PKD1: variants seen among roughly 807,000 people sequenced by gnomAD.
PKD1 encodes the protein polycystin 1, transient receptor potential channel interacting.
A neutral mutation model predicts 361.7 loss-of-function variants in PKD1; 81 were observed. That is an observed-to-expected ratio of 0.22 (90% CI 0.19 to 0.27). The LOEUF is 0.27. PKD1 is among the 10% of genes least tolerant of loss of function. The probability of loss-of-function intolerance (pLI) is 1.00; values close to 1 mark genes in which losing one functional copy is unlikely to be tolerated. For missense variants in PKD1, 6,399 were observed against 6,118.3 expected (o/e 1.05, Z -1.53); for synonymous variants, 3,615 against 2,818.3 (o/e 1.28, Z -8.95).
rs551162125 is a variant in PKD1, at chr16:2,111,619, G to C, written c.3548C>G (p.Ser1183Trp). The change falls in exon 15 of 46, where the codon TCG becomes TGG. Residue 1183 changes from serine (S) to tryptophan (W), a missense_variant. By Grantham distance (177) the Ser-to-Trp change is radical (BLOSUM62 -3). Coordinates refer to ENST00000262304, the MANE Select transcript of PKD1 (RefSeq NM_001009944.3). The stretch of plus-strand genomic sequence containing the variant: ...CAGGCGCACGTGGTAGGTGCCCCTC[G>C]AGGCATAGGTGTGGTTGGCAGCCGG... ...SQPAANHTYA[S>W]RGTYHVRLEV... The C allele has an allele frequency of 7.2e-5, 114 of 1,574,704 alleles. No individual in the cohort carries two copies. In the East Asian group the frequency reaches 2.6e-3, roughly 36 times the overall value.
chr16:2,108,157 A>G (rs1344715437), intron 15 of PKD1, 95 bp downstream of exon 15: 4 of 1,464,540 alleles, frequency 2.7e-6, no homozygotes, highest in Non-Finnish European at 3.8e-6. Flanking sequence ...CCAGGCACTG[A>G]GGACGGGCCA....
intron 40 of PKD1, 45 bp from the exon 41 acceptor site, chr16:2,091,951 GC>G: frequency 1.9e-6 from 3 of 1,611,654 alleles, no homozygotes; most frequent in Non-Finnish European, 2.5e-6. Flanking sequence ...AGCCCTTCCG[GC>G]ACCCCGGAGC....
intron 1 of PKD1, among the ~76,000 whole-genome samples, chr16:2,131,581 G>A (rs1351926955): frequency 6.6e-6 from 1 of 151,992 alleles, no homozygotes; most frequent in Non-Finnish European, 1.5e-5. Flanking sequence ...CACTTTGGGA[G>A]GCCGAGGCAA....
chr16:2,091,928 G>A, intron 40 of PKD1, 22 bp from the exon 41 acceptor site: 2 of 1,611,562 alleles, frequency 1.2e-6, no homozygotes, highest in Non-Finnish European at 8.5e-7. Context: ...GGGTGGCGTG[G>A]GTGCCGCACC....
In PKD1 at chr16:2,088,784, G is replaced by A. The variant is rs1004414028; in HGVS notation, c.*943C>T. ...GGGGGGTGTCGAGGCTCTAGAAGCGGCCATGCCCACAGAAGTGGTACACAG... is the reference window on the plus strand; with the variant it reads ...GGGGGGTGTCGAGGCTCTAGAAGCGACCATGCCCACAGAAGTGGTACACAG... On this transcript the variant is annotated 3_prime_UTR_variant, in exon 46 of 46. Coordinates refer to ENST00000262304, the MANE Select transcript of PKD1 (RefSeq NM_001009944.3). 2 of 885,170 alleles carry A rather than the reference G, an allele frequency of 2.3e-6. No homozygotes were observed. Among genetic ancestry groups the A allele is most frequent in the East Asian group, 5.3e-5 (2 of 37,400 alleles). The allele number at this position is 885,170 out of a possible 1,614,324, so 54.8% of individuals were successfully genotyped here.
In PKD1 at chr16:2,109,981, G is replaced by A. The variant is rs1567197416; in HGVS notation, c.5186C>T (p.Pro1729Leu). The change falls in exon 15 of 46, where the codon CCA (proline) becomes CTA (leucine). Residue 1729 changes from proline (P) to leucine (L), a missense_variant. Physicochemically the swap from Pro to Leu is moderately conservative, Grantham distance 98. Transcript: ENST00000262304. ...GWLMVAASPN[P>L]AAVNTSVTLS... ...GGTGACGCTTGTGTTGACGGCAGCT[G>A]GGTTCGGGGAGGCGGCCACCATCAG... The A allele has an allele frequency of 1.9e-6, 3 of 1,609,984 alleles. No homozygotes were observed. The highest frequency in any genetic ancestry group is 2.5e-6 in the Non-Finnish European group (3 of 1,179,432).
At chr16:2,092,356 C>A (rs746076737) in intron 39 of PKD1, 124 bp downstream of exon 39, 1 of 971,878 alleles carries the variant, frequency 1.0e-6, no homozygotes, top group Non-Finnish European at 1.6e-6. Context: ...GAGAAGGAAA[C>A]GGCGGTGTTA....
rs754384338 is a variant in PKD1 at position 2,108,762 on chromosome 16, C to T, written c.6405G>A (p.Ala2135=). 4.1e-5 allele frequency: 64 copies of T among 1,570,248 alleles called. No individual in the cohort carries two copies. The highest frequency in any genetic ancestry group is 4.8e-5 in the Non-Finnish European group (56 of 1,159,108). The change falls in exon 15 of 46, where the codon GCG becomes GCA. Residue 2135 remains alanine (A), a synonymous_variant. Coordinates refer to ENST00000262304, the MANE Select transcript of PKD1 (RefSeq NM_001009944.3). Reference sequence around the variant, plus strand: ...GCACCTGGACGGTCACCGTGGCCTGCGCCACGAAGAAGCTCACCAGGTTGG... The same window carrying T: ...GCACCTGGACGGTCACCGTGGCCTGTGCCACGAAGAAGCTCACCAGGTTGG... The part of the protein sequence containing the change: ...NASNLVSFFV[A]QATVTVQVLA...
chr16:2,103,187 C>A lies in PKD1; in HGVS notation c.8791+79G>T, dbSNP rs1178293223. The A allele has an allele frequency of 2.1e-6, 3 of 1,440,610 alleles. No homozygotes were observed. In the African/African-American group the frequency reaches 4.2e-5, roughly 20 times the overall value. 89.2% of individuals were successfully genotyped at this position (1,440,610 alleles called of 1,614,324 possible). A position where few individuals can be genotyped will look rare whatever the true frequency, so the allele number is the denominator to read the frequency against. ...AGAAAGCAAATTTCACCAGAGACACCCATGGAAGCCCTACGAGAAACGCCT... is the reference window on the plus strand; with the variant it reads ...AGAAAGCAAATTTCACCAGAGACACACATGGAAGCCCTACGAGAAACGCCT... On this transcript the variant is annotated intron_variant, in intron 23 of 45. Transcript: ENST00000262304.
Position 2,088,851 on chromosome 16 carries a change from G to A in PKD1, c.*876C>T, listed in dbSNP as rs978764456. 2.4e-5 allele frequency: 14 copies of A among 579,908 alleles called. No homozygotes were observed. The highest frequency in any genetic ancestry group is 4.3e-5 in the Non-Finnish European group (14 of 326,824). 35.9% of individuals were successfully genotyped at this position (579,908 alleles called of 1,614,324 possible). A position where few individuals can be genotyped will look rare whatever the true frequency, so the allele number is the denominator to read the frequency against. The stretch of plus-strand genomic sequence containing the variant: ...CTCCGAGGGCCTTGAGGCTGCCTGG[G>A]CCATACAGCACACTCGCGCGTGCGC... On this transcript the variant is annotated 3_prime_UTR_variant, in exon 46 of 46. Coordinates refer to ENST00000262304, the MANE Select transcript of PKD1 (RefSeq NM_001009944.3).
chr16:2,114,955 G>A (rs1023760921), intron 10 of PKD1, 30 bp from the exon 11 acceptor site: 18 of 1,524,910 alleles, frequency 1.2e-5, no homozygotes, highest in East Asian at 4.9e-5. Flanking sequence ...GCTGCATCAC[G>A]TCCTCACGGT....
intron 43 of PKD1, 25 bp from the exon 44 acceptor site, chr16:2,090,833 TGCA>T: frequency 6.2e-7 from 1 of 1,611,578 alleles, no homozygotes; most frequent in East Asian, 2.2e-5. Flanking sequence ...TCTGTCTGCT[TGCA>T]GCCCTGGGGT....
rs573899747 is a variant in PKD1, at chr16:2,100,694, G to C, written c.9398-128C>G. The C allele has an allele frequency of 5.4e-5, 41 of 757,870 alleles. No homozygotes were observed. The South Asian group carries it at 6.6e-4, about 12-fold the overall frequency. 46.9% of individuals were successfully genotyped at this position (757,870 alleles called of 1,614,324 possible). A position where few individuals can be genotyped will look rare whatever the true frequency, so the allele number is the denominator to read the frequency against. ...CACACAGGCAGTCCCGGCTTTGCAC[G>C]GCTCTGCCATACACAAGGAGCTGCG... On this transcript the variant is annotated intron_variant, in intron 26 of 45. Transcript: ENST00000262304. This position sits in a 1 kb window ranked among gnomAD's most constrained non-coding sequence, Gnocchi z 4.4.
intron 22 of PKD1, 73 bp downstream of exon 22, chr16:2,104,424 GT>G: frequency 1.7e-6 from 2 of 1,169,042 alleles, no homozygotes; most frequent in Non-Finnish European, 2.4e-6. Flanking sequence ...AGGCGACGCG[GT>G]TGGGGGGAGG....
Position 2,100,603 on chromosome 16 carries a change from G to C in PKD1, c.9398-37C>G, listed in dbSNP as rs1225805197. 6.4e-7 allele frequency: 1 copy of C among 1,573,104 alleles called. No individual in the cohort carries two copies. The highest frequency in any genetic ancestry group is 8.7e-7 in the Non-Finnish European group (1 of 1,150,466). On this transcript the variant is annotated intron_variant, in intron 26 of 45. Coordinates refer to ENST00000262304, the MANE Select transcript of PKD1 (RefSeq NM_001009944.3). The surrounding 1 kb of genome is among the most constrained non-coding windows in gnomAD (Gnocchi z 4.4). ...GAGGGAGGGGTGGGAGGCTCGGTCTGCTGCCCAACACGTGTGGCATCCCAG... is the reference window on the plus strand; with the variant it reads ...GAGGGAGGGGTGGGAGGCTCGGTCTCCTGCCCAACACGTGTGGCATCCCAG...
intron 42 of PKD1, 108 bp from the exon 43 acceptor site, chr16:2,091,282 C>T (rs1200432713): frequency 1.7e-5 from 5 of 300,338 alleles, no homozygotes; most frequent in Non-Finnish European, 1.4e-5. Flanking sequence ...GGGACGCTGC[C>T]GGGGCGGGGC....
At chr16:2,093,186 G>A (rs1286392611) in intron 37 of PKD1, 93 bp from the exon 38 acceptor site, 14 of 1,471,802 alleles carry the variant, frequency 9.5e-6, no homozygotes, top group Non-Finnish European at 1.2e-5. Context: ...TGCGGCAGGT[G>A]TGGCTGCAGG....
At position 2,103,386 on chromosome 16, in the gene PKD1, C is replaced by T. The variant is rs557892623; in HGVS notation, c.8671G>A (p.Ala2891Thr). Residue 2891 changes from alanine (A) to threonine (T), a missense_variant, in exon 23 of 46, where the codon GCC becomes ACC. Physicochemically the swap from Ala to Thr is moderately conservative, Grantham distance 58. Coordinates refer to ENST00000262304, the MANE Select transcript of PKD1 (RefSeq NM_001009944.3). ...ACCACAACGGAGTTGGCGGAGTTGG[C>T]GGAGCTGCGGTGGCCCCGGGCAGCC... ...DWAARGHRSS[A>T]NSANSVVVQP... The T allele has an allele frequency of 1.5e-4, 237 of 1,600,150 alleles. 2 individuals are homozygous for T. In the South Asian group the frequency reaches 1.5e-3, roughly 10 times the overall value.
intron 34 of PKD1, 86 bp downstream of exon 34, chr16:2,097,062 T>TACCCC: frequency 2.2e-6 from 1 of 454,172 alleles, no homozygotes; most frequent in South Asian, 1.7e-5. Flanking sequence ...CACCCCACCC[T>TACCCC]ACCCCAGGCG....
Sources: gnomAD v4.1 joint callset for allele counts (sites outside exome capture counted in the v4.1 genomes callset) on GRCh38, gnomAD v4.1.1 for gene constraint, Gnocchi (gnomAD v3.1) non-coding constraint, MANE v1.5 for transcripts, NCBI Gene and HGNC (gene_info 2026-07-23, HGNC 2026-07-21) for gene names.